Variants in OXR1 observed in about 807,000 individuals in gnomAD.
OXR1 encodes the protein oxidation resistance protein 1.
In OXR1, 41 loss-of-function variants were observed where a neutral mutation model predicts 104.6. The ratio of observed to expected loss-of-function variants is 0.39; its 90% confidence interval spans 0.31 to 0.51. The LOEUF is 0.51. Among genes scored for constraint, OXR1 ranks in the 20% least tolerant of loss-of-function variants. The pLI, the probability that OXR1 is intolerant of heterozygous loss-of-function variation, is 0.77. For missense variants in OXR1, 955 were observed against 1,031.9 expected, an observed-to-expected ratio of 0.93 and a Z score of 1.02; for synonymous variants, 348 against 348.4, an observed-to-expected ratio of 1.00 and a Z score of 0.01.
At chr8:106,633,304 C>G (rs1055789115) in intron 3 of OXR1, among the ~76,000 whole-genome samples, 3 of 151,872 alleles carry the variant, frequency 2.0e-5, no homozygotes, top group Non-Finnish European at 4.4e-5. Flanking sequence ...TAATAAAAAA[C>G]ACTACAAAAT....
chr8:106,393,748 A>G (rs1817670455), intron 2 of OXR1, among the ~76,000 whole-genome samples: 1 of 152,026 alleles, frequency 6.6e-6, no homozygotes, highest in Admixed American at 6.6e-5. Context: ...TAACTTTTCT[A>G]GTAAATTTTA....
chr8:106,577,193 T>G (rs1346120487), intron 3 of OXR1, among the ~76,000 whole-genome samples: 1 of 150,474 alleles, frequency 6.6e-6, no homozygotes, highest in Non-Finnish European at 1.5e-5. Context: ...AAGCTATCCG[T>G]TTTTTTTGTT....
chr8:106,301,820 C>CT (rs1434952537), intron 1 of OXR1, among the ~76,000 whole-genome samples: 10 of 151,690 alleles, frequency 6.6e-5, no homozygotes, highest in African/African-American at 1.9e-4. Context: ...AATATCGAGC[C>CT]TTTTTTTTCA....
At chr8:106,578,232 A>G (rs1563618532) in intron 3 of OXR1, among the ~76,000 whole-genome samples, 2 of 151,968 alleles carry the variant, frequency 1.3e-5, no homozygotes, top group East Asian at 3.9e-4. Context: ...AATTCCAACT[A>G]TTTCCCTTTG....
At chr8:106,310,639 G>A (rs1813661997) in intron 1 of OXR1, among the ~76,000 whole-genome samples, 1 of 152,122 alleles carries the variant, frequency 6.6e-6, no homozygotes, top group Non-Finnish European at 1.5e-5. Flanking sequence ...GTCTGAAAAT[G>A]CCTTTATTCT....
At chr8:106,491,993 CT>C (rs1811119850) in intron 2 of OXR1, among the ~76,000 whole-genome samples, 1 of 152,162 alleles carries the variant, frequency 6.6e-6, no homozygotes, top group Non-Finnish European at 1.5e-5. Flanking sequence ...CTCAAACTTT[CT>C]GGGTTTATCC....
chr8:106,473,546 G>A (rs2444312), intron 2 of OXR1, among the ~76,000 whole-genome samples: 33,887 of 151,554 alleles, frequency 0.22, 3,864 homozygotes, highest in East Asian at 0.35. Flanking sequence ...AACTCCTAAA[G>A]TAACCATAAA....
At chr8:106,749,952 T>A (rs1446989078) in intron 16 of OXR1, among the ~76,000 whole-genome samples, 1 of 152,028 alleles carries the variant, frequency 6.6e-6, no homozygotes, top group Non-Finnish European at 1.5e-5. Flanking sequence ...TGCTTGAATC[T>A]CAACATCACA....
At chr8:106,579,251 G>A (rs572746832) in intron 3 of OXR1, among the ~76,000 whole-genome samples, 3 of 152,098 alleles carry the variant, frequency 2.0e-5, no homozygotes, top group African/African-American at 7.2e-5. Context: ...CTTCAAACCC[G>A]TCACTTCCTG....
At chr8:106,663,616 G>C (rs1225531361) in intron 3 of OXR1, among the ~76,000 whole-genome samples, 1 of 152,184 alleles carries the variant, frequency 6.6e-6, no homozygotes, top group Admixed American at 6.5e-5. Context: ...TCCATGGCCT[G>C]TTAGGAACCA....
At chr8:106,300,645 T>A (rs1379479386) in intron 1 of OXR1, among the ~76,000 whole-genome samples, 1 of 152,170 alleles carries the variant, frequency 6.6e-6, no homozygotes, top group Non-Finnish European at 1.5e-5. Context: ...ATGACTCATG[T>A]GTGGCATAAG....
intron 1 of OXR1, among the ~76,000 whole-genome samples, chr8:106,326,865 A>G (rs1372221340): frequency 2.6e-5 from 4 of 152,168 alleles, no homozygotes; most frequent in Admixed American, 2.6e-4. Flanking sequence ...TTTGTAGGAA[A>G]TGGTGCCTTT....
At chr8:106,475,554 T>C (rs1321586889) in intron 2 of OXR1, among the ~76,000 whole-genome samples, 1 of 151,986 alleles carries the variant, frequency 6.6e-6, no homozygotes, top group Non-Finnish European at 1.5e-5. Flanking sequence ...TTCTGTCTGA[T>C]GTTTTTTACT....
intron 1 of OXR1, among the ~76,000 whole-genome samples, chr8:106,296,473 G>A (rs1361754022): frequency 3.9e-5 from 6 of 152,194 alleles, no homozygotes; most frequent in Admixed American, 3.9e-4. Context: ...GTGGAAGGAA[G>A]ATGGCATTAT....
At chr8:106,320,469 T>C (rs1208258605) in intron 1 of OXR1, among the ~76,000 whole-genome samples, 1 of 152,178 alleles carries the variant, frequency 6.6e-6, no homozygotes, top group Non-Finnish European at 1.5e-5. Context: ...GGCTCATAAT[T>C]CCATTACTTT....
intron 11 of OXR1, among the ~76,000 whole-genome samples, chr8:106,724,703 A>C (rs866170452): frequency 6.6e-5 from 10 of 152,298 alleles, no homozygotes; most frequent in Middle Eastern, 3.4e-3. Context: ...TAGGTCTCTA[A>C]TGACTAGTTC....
rs569430750 is a variant in OXR1, at chr8:106,489,706, GA to G, written c.24-29234del. ...AATTTCAAAAACTATTTCATTTTTT[GA>G]AATAGTCTTCTGTACTTATCATGTT... On this transcript the variant is annotated intron_variant, in intron 2 of 16. Coordinates refer to ENST00000517566, the MANE Select transcript of OXR1 (RefSeq NM_001198533.2). 1.9e-3 allele frequency among the ~76,000 whole-genome samples: 296 copies of G among 152,084 alleles called. 4 individuals are homozygous for G. The highest frequency in any genetic ancestry group is 4.3e-4 in the Non-Finnish European group (29 of 67,948).
intron 2 of OXR1, among the ~76,000 whole-genome samples, chr8:106,473,092 GT>G (rs1211655702): frequency 6.6e-6 from 1 of 151,804 alleles, no homozygotes; most frequent in African/African-American, 2.4e-5. Flanking sequence ...ATAAAAATTT[GT>G]TTACACTATT....
chr8:106,750,383 T>C (rs1835793613), intron 16 of OXR1, among the ~76,000 whole-genome samples: 1 of 147,154 alleles, frequency 6.8e-6, no homozygotes, highest in African/African-American at 2.5e-5. Flanking sequence ...TGGAGTGCAA[T>C]GGTGCAATCT....
Sources: allele counts gnomAD v4.1 joint callset (sites outside exome capture counted in the v4.1 genomes callset), GRCh38; gene constraint gnomAD v4.1.1; transcripts MANE v1.5; gene names NCBI Gene and HGNC (gene_info 2026-07-23, HGNC 2026-07-21).